Variants in TRDN observed in about 807,000 individuals in gnomAD.
The protein encoded by TRDN is triadin in skeletal muscle.
A neutral mutation model predicts 149.7 loss-of-function variants in TRDN; 161 were observed. The ratio of observed to expected loss-of-function variants is 1.08; its 90% confidence interval spans 0.95 to 1.23. The LOEUF (loss-of-function observed/expected upper bound fraction) is 1.23, where lower values mean the gene tolerates loss of function less well. TRDN is among the 50% of genes most tolerant of loss of function. TRDN has a pLI of 0.00. For synonymous variants in TRDN, 294 were observed against 250.5 expected (o/e 1.17, Z -1.64); for missense variants, 896 against 823.5 (o/e 1.09, Z -1.08).
chr6:123,267,484 A>C lies in TRDN; in HGVS notation c.1783+223T>G, dbSNP rs1777054132. ...ACTTGTGAATCATAAAATCAAATCT[A>C]ATTTGTTAATTTTGCTCTATCATAA... On this transcript the variant is annotated intron_variant, in intron 32 of 40. Transcript: ENST00000334268. 2.0e-5 allele frequency among the ~76,000 whole-genome samples: 3 copies of C among 152,188 alleles called. No individual in the cohort carries two copies. In the South Asian group the frequency reaches 6.2e-4, roughly 31 times the overall value.
At chr6:123,499,843 C>T (rs1562348847) in intron 8 of TRDN, among the ~76,000 whole-genome samples, 1 of 147,936 alleles carries the variant, frequency 6.8e-6, no homozygotes, top group African/African-American at 2.5e-5. Context: ...ATTTACAAAG[C>T]ATTTATTAAA....
intron 23 of TRDN, among the ~76,000 whole-genome samples, chr6:123,323,563 A>G (rs75042476): frequency 1.3e-5 from 2 of 152,200 alleles, no homozygotes; most frequent in Non-Finnish European, 2.9e-5. Context: ...CGCTTAAGTC[A>G]TGACTCAATG....
chr6:123,238,448 A>G (rs1448465498), intron 38 of TRDN, among the ~76,000 whole-genome samples: 5 of 152,124 alleles, frequency 3.3e-5, no homozygotes, highest in Non-Finnish European at 5.9e-5. Context: ...AGTAATAGAA[A>G]TAAGGTATGG....
At chr6:123,451,575 C>A (rs1583051772) in intron 10 of TRDN, among the ~76,000 whole-genome samples, 1 of 151,918 alleles carries the variant, frequency 6.6e-6, no homozygotes, top group Admixed American at 6.6e-5. Context: ...CTAAGCAGAC[C>A]AATAACAAGC....
intron 4 of TRDN, among the ~76,000 whole-genome samples, chr6:123,532,449 T>C (rs892431082): frequency 4.6e-5 from 7 of 152,054 alleles, no homozygotes; most frequent in African/African-American, 1.7e-4. Flanking sequence ...TGGGCTTCTC[T>C]GATTTCTTTG....
chr6:123,336,964 A>G (rs1779895727), intron 22 of TRDN, among the ~76,000 whole-genome samples: 1 of 151,982 alleles, frequency 6.6e-6, no homozygotes, highest in African/African-American at 2.4e-5. Flanking sequence ...AGAAGGCTTG[A>G]TGCTGTATGT....
intron 38 of TRDN, among the ~76,000 whole-genome samples, chr6:123,247,784 T>C (rs1178628266): frequency 6.6e-6 from 1 of 152,172 alleles, no homozygotes; most frequent in Non-Finnish European, 1.5e-5. Flanking sequence ...AGAGCCTGTA[T>C]AGTCAAGACA....
intron 1 of TRDN, among the ~76,000 whole-genome samples, chr6:123,593,034 T>C (rs1290835931): frequency 1.3e-5 from 2 of 152,216 alleles, no homozygotes; most frequent in Admixed American, 1.3e-4. Context: ...ATAGCATCAA[T>C]TATTTTACCC....
intron 4 of TRDN, among the ~76,000 whole-genome samples, chr6:123,541,638 C>A (rs1208516940): frequency 6.6e-6 from 1 of 152,074 alleles, no homozygotes; most frequent in Non-Finnish European, 1.5e-5. Context: ...TGCGATGGTG[C>A]AGTTATGGAG....
intron 1 of TRDN, among the ~76,000 whole-genome samples, chr6:123,588,992 AC>A (rs1211279624): frequency 1.3e-5 from 2 of 152,176 alleles, no homozygotes; most frequent in African/African-American, 4.8e-5. Flanking sequence ...GTACAGTGGG[AC>A]AGATTAGGGA....
chr6:123,574,857 C>CATACATAT (rs1782755649), intron 1 of TRDN, among the ~76,000 whole-genome samples: 5 of 50,570 alleles, frequency 9.9e-5, no homozygotes, highest in Admixed American at 7.8e-4. Flanking sequence ...TTTATATATA[C>CATACATAT]ATATATATAT....
intron 1 of TRDN, among the ~76,000 whole-genome samples, chr6:123,608,892 G>T (rs1171843313): frequency 1.3e-5 from 2 of 152,016 alleles, no homozygotes; most frequent in Non-Finnish European, 2.9e-5. Flanking sequence ...ATGGAAGCAG[G>T]CTGGGCTCGG....
At chr6:123,225,725 A>G (rs1487751319) in intron 38 of TRDN, among the ~76,000 whole-genome samples, 3 of 151,892 alleles carry the variant, frequency 2.0e-5, no homozygotes, top group African/African-American at 7.2e-5. Context: ...AAGACACTAC[A>G]TTTGAACTAA....
At chr6:123,274,468 A>T (rs564154801) in intron 27 of TRDN, among the ~76,000 whole-genome samples, 173 bp downstream of exon 27, 2 of 152,230 alleles carry the variant, frequency 1.3e-5, no homozygotes, top group Admixed American at 6.6e-5. Flanking sequence ...GAATATTCCC[A>T]TTCTCACCTA....
At chr6:123,438,014 C>T (rs1774669468) in intron 12 of TRDN, 49 bp downstream of exon 12, 1 of 1,474,010 alleles carries the variant, frequency 6.8e-7, no homozygotes. Flanking sequence ...TTTCATGAAG[C>T]AAACATCCTG....
At chr6:123,633,511 T>G (rs191123355) in intron 1 of TRDN, among the ~76,000 whole-genome samples, 1 of 151,210 alleles carries the variant, frequency 6.6e-6, no homozygotes, top group Admixed American at 6.6e-5. Context: ...AATATTAGCC[T>G]TTATTCTCAT....
chr6:123,553,902 C>A (rs1337688143), intron 2 of TRDN, among the ~76,000 whole-genome samples: 1 of 152,072 alleles, frequency 6.6e-6, no homozygotes, highest in African/African-American at 2.4e-5. Flanking sequence ...CACTATCAAA[C>A]CATATCAGCA....
intron 1 of TRDN, among the ~76,000 whole-genome samples, chr6:123,584,986 G>A (rs551990538): frequency 6.6e-6 from 1 of 152,184 alleles, no homozygotes; most frequent in African/African-American, 2.4e-5. Flanking sequence ...TGCTGTAGCA[G>A]GCAAGTGATA....
In TRDN at chr6:123,631,427, T is replaced by C. The variant is rs1247363203; in HGVS notation, c.22+5327A>G. Among the ~76,000 whole-genome samples, 4 of 152,184 alleles carry C rather than the reference T, an allele frequency of 2.6e-5. No homozygotes were observed. The East Asian group carries it at 7.7e-4, about 29-fold the overall frequency. On this transcript the variant is annotated intron_variant, in intron 1 of 40. Transcript: ENST00000334268. ...TCTAATTAATGTCTCTAATTAATGT[T>C]ACCAATAATATGAAACTAACCTCCA...
Sources: gnomAD v4.1 joint callset for allele counts (sites outside exome capture counted in the v4.1 genomes callset) on GRCh38, gnomAD v4.1.1 for gene constraint, MANE v1.5 for transcripts, NCBI Gene and HGNC (gene_info 2026-07-23, HGNC 2026-07-21) for gene names.